UTS2B: variants seen among roughly 807,000 people sequenced by gnomAD.
UTS2B encodes urotensin 2B, also known as urotensin-2B.
In UTS2B, 21 loss-of-function variants were observed where a neutral mutation model predicts 19.2. That is an observed-to-expected ratio of 1.09 (90% CI 0.78 to 1.58). The LOEUF is 1.58. UTS2B is among the 40% of genes most tolerant of loss of function. The pLI is 0.00. For synonymous variants in UTS2B, 57 were observed against 50.2 expected (o/e 1.14, Z -0.58); for missense variants, 138 against 130.3 (o/e 1.06, Z -0.29).
chr3:191,341,961 T>A, the UTS2B span, among the ~76,000 whole-genome samples: 1 of 152,212 alleles, frequency 6.6e-6, no homozygotes, highest in East Asian at 1.9e-4. Context: ...TAGGCAGATA[T>A]AGCTCCTGAT....
chr3:191,329,945 G>GTT (rs1576942664), intron 1 of UTS2B, among the ~76,000 whole-genome samples: 1 of 61,916 alleles, frequency 1.6e-5, no homozygotes, highest in Non-Finnish European at 2.8e-5. Context: ...GGGTGGTTGG[G>GTT]GGGGGGGGGG....
intron 8 of UTS2B, among the ~76,000 whole-genome samples, chr3:191,274,433 G>A (rs890978607): frequency 3.3e-5 from 5 of 152,136 alleles, no homozygotes; most frequent in South Asian, 2.1e-4. Context: ...ATCATTATCC[G>A]CATTTTTAGG....
chr3:191,273,501 TA>T, intron 8 of UTS2B: 1 of 456,736 alleles, frequency 2.2e-6, no homozygotes, highest in South Asian at 1.5e-5. Context: ...ATGTATCCTT[TA>T]TCCTCTTCTG....
chr3:191,307,720 G>C (rs1464245919), intron 3 of UTS2B, among the ~76,000 whole-genome samples: 2 of 152,138 alleles, frequency 1.3e-5, no homozygotes, highest in Non-Finnish European at 2.9e-5. Context: ...AGGGAATCTG[G>C]AATCTCCTCA....
chr3:191,317,301 G>C (rs923964629), intron 2 of UTS2B, among the ~76,000 whole-genome samples: 4 of 152,184 alleles, frequency 2.6e-5, no homozygotes, highest in African/African-American at 7.2e-5. Context: ...AGTGCGGGGG[G>C]GCCTCCCAAG....
upstream of UTS2B, among the ~76,000 whole-genome samples, chr3:191,335,052 A>G (rs1463189437): frequency 6.6e-6 from 1 of 152,192 alleles, no homozygotes; most frequent in East Asian, 1.9e-4. Flanking sequence ...CTCTAAAATT[A>G]AACGTATTGG....
At chr3:191,269,523 A>C in intron 8 of UTS2B, among the ~76,000 whole-genome samples, 1 of 151,450 alleles carries the variant, frequency 6.6e-6, no homozygotes, top group East Asian at 1.9e-4. Flanking sequence ...TTTCTTTTTA[A>C]AAGATGAGGC....
intron 8 of UTS2B, 29 bp from the exon 9 acceptor site, chr3:191,268,470 A>G (rs774800368): frequency 6.7e-7 from 1 of 1,488,812 alleles, no homozygotes; most frequent in Non-Finnish European, 9.2e-7. Flanking sequence ...TACATTTTTT[A>G]TTAGAAGTAT....
rs1715972249 is a variant in UTS2B at position 191,267,609 on chromosome 3, A to G, written c.*807T>C. 1 of 152,228 alleles carries G rather than the reference A, an allele frequency of 6.6e-6. No homozygotes were observed. Among genetic ancestry groups the G allele is most frequent in the Non-Finnish European group, 1.5e-5 (1 of 68,040 alleles). 9.4% of individuals were successfully genotyped at this position (152,228 alleles called of 1,614,324 possible). On this transcript the variant is annotated 3_prime_UTR_variant, in exon 9 of 9. Transcript: ENST00000340524. Reference sequence around the variant, plus strand: ...ACCACCTTCTGGTCCCATGGTGCCAACAATGCACTGGATATACCAGCATTT... The same window carrying G: ...ACCACCTTCTGGTCCCATGGTGCCAGCAATGCACTGGATATACCAGCATTT...
At chr3:191,268,624 C>T (rs1230729185) in intron 8 of UTS2B, among the ~76,000 whole-genome samples, 183 bp from the exon 9 acceptor site, 2 of 152,196 alleles carry the variant, frequency 1.3e-5, no homozygotes, top group Non-Finnish European at 2.9e-5. Context: ...AATTCAGCAT[C>T]TCCATCATAC....
rs372590188 is a variant in UTS2B at position 191,305,056 on chromosome 3, T to A, written c.-181-508A>T. 2.3e-4 allele frequency among the ~76,000 whole-genome samples: 35 copies of A among 152,248 alleles called. 3 individuals carry two copies. Among genetic ancestry groups the A allele is most frequent in the Admixed American group, 1.7e-3 (26 of 15,288 alleles). ...TACCATGGTATATATGTACATTTTA[T>A]CCAGTCTATTATTGATGGGCATTTA... On this transcript the variant is annotated intron_variant, in intron 3 of 8. Coordinates refer to ENST00000340524, the MANE Select transcript of UTS2B (RefSeq NM_198152.5).
At chr3:191,331,325 A>G (rs929036488), upstream of UTS2B, among the ~76,000 whole-genome samples, 31 of 152,192 alleles carry the variant, frequency 2.0e-4, no homozygotes, top group Admixed American at 6.5e-5. Context: ...CTTCATATAC[A>G]TTTATATTAC....
At chr3:191,276,930 A>C (rs898757688) in intron 6 of UTS2B, 86 bp from the exon 7 acceptor site, 50 of 1,195,076 alleles carry the variant, frequency 4.2e-5, no homozygotes, top group Non-Finnish European at 5.8e-5. Context: ...GATCTTACGT[A>C]GAAAGCATAG....
intron 4 of UTS2B, among the ~76,000 whole-genome samples, chr3:191,287,979 G>A (rs1321520632): frequency 2.0e-5 from 3 of 151,950 alleles, no homozygotes; most frequent in Admixed American, 6.6e-5. Context: ...AAAATCACTG[G>A]CCTCTGTATA....
chr3:191,292,400 G>A (rs12496729), intron 4 of UTS2B, among the ~76,000 whole-genome samples: 58,698 of 151,796 alleles, frequency 0.39, 11,857 homozygotes, highest in East Asian at 0.64. Context: ...TATTTTTTGC[G>A]TTGTTCTTTG....
intron 1 of UTS2B, chr3:191,329,856 C>A: frequency 1.3e-6 from 1 of 788,902 alleles, no homozygotes; most frequent in Non-Finnish European, 1.9e-6. Flanking sequence ...CTTGCCCGGA[C>A]GTGAAAGGAA....
At chr3:191,307,473 T>C (rs573621246) in intron 3 of UTS2B, among the ~76,000 whole-genome samples, 1 of 152,102 alleles carries the variant, frequency 6.6e-6, no homozygotes, top group Non-Finnish European at 1.5e-5. Flanking sequence ...GAAAAGCAAA[T>C]ACAACATCAT....
At chr3:191,330,532 G>A (rs1717945253), upstream of UTS2B, 1 of 152,088 alleles carries the variant, frequency 6.6e-6, no homozygotes, top group African/African-American at 2.4e-5. Context: ...CTTATGCCTT[G>A]AGTTATCTTT....
rs375429410 is a variant in UTS2B at position 191,323,136 on chromosome 3, T to G, written c.-586+5495A>C. On this transcript the variant is annotated intron_variant, in intron 2 of 8. Coordinates refer to ENST00000340524, the MANE Select transcript of UTS2B (RefSeq NM_198152.5). ...CAGGTTCTCTTTTCAGTGCTGTTAT[T>G]TTATTTTATTTTATTTATTTATTTA... Among the ~76,000 whole-genome samples the G allele has an allele frequency of 1.1e-3, 162 of 149,056 alleles. 1 individual carries two copies. The highest frequency in any genetic ancestry group is 3.9e-3 in the African/African-American group (156 of 39,766).
Sources: gnomAD v4.1 joint callset for allele counts (sites outside exome capture counted in the v4.1 genomes callset) on GRCh38, gnomAD v4.1.1 for gene constraint, MANE v1.5 for transcripts, NCBI Gene and HGNC (gene_info 2026-07-23, HGNC 2026-07-21) for gene names.